Variants in ATP11A observed in about 807,000 individuals in gnomAD.
The protein encoded by ATP11A is ATPase phospholipid transporting 11A, also known as phospholipid-transporting ATPase IH.
ATP11A carries 81 observed loss-of-function variants against 154.4 expected under a neutral mutation model. The observed-to-expected ratio is 0.52, with a 90% CI of 0.44 to 0.63. The LOEUF (loss-of-function observed/expected upper bound fraction) is 0.63. Ranked by LOEUF, ATP11A falls within the 30% of genes least tolerant of loss-of-function variation. ATP11A has a pLI of 0.00. For synonymous variants in ATP11A, 623 were observed against 585.9 expected (o/e 1.06, Z -0.91); for missense variants, 1,316 against 1,474.3 (o/e 0.89, Z 1.76).
intron 19 of ATP11A, 147 bp from the exon 20 acceptor site, chr13:112,855,764 T>G: frequency 1.4e-6 from 1 of 694,028 alleles, no homozygotes; most frequent in Non-Finnish European, 2.4e-6. Flanking sequence ...TGTTCAATAC[T>G]ATAAAAATTG....
intron 1 of ATP11A, among the ~76,000 whole-genome samples, chr13:112,700,948 G>C (rs1052305489): frequency 2.6e-5 from 4 of 152,236 alleles, no homozygotes; most frequent in African/African-American, 9.7e-5. Context: ...ACTTATCTGT[G>C]TATCTCTGAG....
intron 12 of ATP11A, among the ~76,000 whole-genome samples, chr13:112,827,789 A>C (rs2078970769): frequency 6.6e-6 from 1 of 152,268 alleles, no homozygotes; most frequent in African/African-American, 2.4e-5. Flanking sequence ...GCAGATACAG[A>C]GGCCTCTCTC....
At chr13:112,873,497 C>T in intron 26 of ATP11A, 76 bp from the exon 27 acceptor site, 1 of 1,132,916 alleles carries the variant, frequency 8.8e-7, no homozygotes, top group Non-Finnish European at 1.2e-6. Context: ...CACCCCCCGG[C>T]TCTCTGTCCT....
chr13:112,872,798 C>CA (rs1422242719), intron 26 of ATP11A, among the ~76,000 whole-genome samples: 2 of 134,712 alleles, frequency 1.5e-5, no homozygotes, highest in African/African-American at 5.0e-5. Flanking sequence ...CCTCTCCACT[C>CA]ACACTGTGAG....
rs1352026863 is a variant in ATP11A at position 112,842,328 on chromosome 13, G to A, written c.1758G>A (p.Val586=). Residue 586 remains valine (V), a synonymous_variant, in exon 17 of 30, where the codon GTG becomes GTA. Coordinates refer to ENST00000375645, the MANE Select transcript of ATP11A (RefSeq NM_015205.3). The part of the protein sequence containing the change: ...KGADSSIFPR[V]IEGKVDQIRA... Reference sequence around the variant, plus strand: ...CAGATTCTTCGATATTCCCCCGAGTGATAGAAGGCAAAGTTGACCAGATCC... The same window carrying A: ...CAGATTCTTCGATATTCCCCCGAGTAATAGAAGGCAAAGTTGACCAGATCC... 5 of 1,611,912 alleles carry A rather than the reference G, an allele frequency of 3.1e-6. No homozygotes were observed. In the African/African-American group the frequency reaches 5.3e-5, roughly 17 times the overall value.
At chr13:112,778,555 T>A (rs1053031038) in intron 1 of ATP11A, among the ~76,000 whole-genome samples, 5 of 152,220 alleles carry the variant, frequency 3.3e-5, no homozygotes, top group African/African-American at 4.8e-5. Context: ...ACTGTAACTG[T>A]CCCTGTGAAC....
chr13:112,834,809 C>T, intron 15 of ATP11A, 149 bp downstream of exon 15: 1 of 632,852 alleles, frequency 1.6e-6, no homozygotes, highest in South Asian at 2.0e-5. Flanking sequence ...AGGAATGTCA[C>T]CAGAATGTTC....
chr13:112,735,590 G>T (rs139156183), intron 1 of ATP11A, among the ~76,000 whole-genome samples: 204 of 152,314 alleles, frequency 1.3e-3, no homozygotes, highest in African/African-American at 4.7e-3. Context: ...GCTTGCTGGA[G>T]TCAATCTGTT....
At chr13:112,743,190 T>C (rs954494204) in intron 1 of ATP11A, among the ~76,000 whole-genome samples, 3 of 152,252 alleles carry the variant, frequency 2.0e-5, no homozygotes, top group African/African-American at 7.2e-5. Flanking sequence ...TTTTGTGAGA[T>C]GTCTGCCACA....
At chr13:112,731,926 AG>A (rs1437184133) in intron 1 of ATP11A, among the ~76,000 whole-genome samples, 4 of 109,126 alleles carry the variant, frequency 3.7e-5, no homozygotes, top group Admixed American at 3.7e-4. Context: ...TAGATGGTGG[AG>A]AAATGGGGGC....
At chr13:112,824,006 CATT>C (rs1204472409) in intron 9 of ATP11A, among the ~76,000 whole-genome samples, 3 of 152,134 alleles carry the variant, frequency 2.0e-5, no homozygotes, top group African/African-American at 7.2e-5. Context: ...TATTTTGTAT[CATT>C]GTATTGTTAT....
intron 1 of ATP11A, among the ~76,000 whole-genome samples, chr13:112,720,241 A>G (rs1054866401): frequency 3.3e-5 from 5 of 152,270 alleles, no homozygotes; most frequent in Admixed American, 6.5e-5. Context: ...ACAAATCGGT[A>G]CATGGAAGGT....
intron 26 of ATP11A, 59 bp from the exon 27 acceptor site, chr13:112,873,514 C>G (rs2080611018): frequency 2.2e-6 from 3 of 1,348,724 alleles, no homozygotes; most frequent in African/African-American, 1.5e-5. Context: ...TCCTGCCCAT[C>G]ACGATCATTC....
chr13:112,710,896 T>C (rs1200794334), intron 1 of ATP11A, among the ~76,000 whole-genome samples: 1 of 152,166 alleles, frequency 6.6e-6, no homozygotes, highest in Non-Finnish European at 1.5e-5. Context: ...CCGCGTCATG[T>C]GAGGGGGCAC....
intron 1 of ATP11A, among the ~76,000 whole-genome samples, chr13:112,710,717 G>C (rs1055906397): frequency 6.6e-6 from 1 of 152,226 alleles, no homozygotes; most frequent in African/African-American, 2.4e-5. Flanking sequence ...GGTGAGTGTG[G>C]ACAGTGAGGG....
chr13:112,702,036 C>T (rs1296090534), intron 1 of ATP11A, among the ~76,000 whole-genome samples: 2 of 151,764 alleles, frequency 1.3e-5, no homozygotes, highest in African/African-American at 2.4e-5. Context: ...CCTCTTGTCA[C>T]AGAGTGTGCA....
At position 112,807,454 on chromosome 13, in the gene ATP11A, C is replaced by G. The variant is rs904216548; in HGVS notation, c.333+1161C>G. 7.9e-5 allele frequency among the ~76,000 whole-genome samples: 12 copies of G among 152,330 alleles called. No homozygotes were observed. Among genetic ancestry groups the G allele is most frequent in the Admixed American group, 2.6e-4 (4 of 15,312 alleles). On this transcript the variant is annotated intron_variant, in intron 4 of 29. Coordinates refer to ENST00000375645, the MANE Select transcript of ATP11A (RefSeq NM_015205.3). This position sits in a 1 kb window ranked among gnomAD's most constrained non-coding sequence, Gnocchi z 4.5. ...CTCCGCCGCGGTGCATGGCAGAACA[C>G]AGCACAGTAACGAAACGAACTGTGC...
rs1220465265 is a variant in ATP11A, at chr13:112,753,527, A to T, written c.40-31608A>T. ...AGATGCCACGTCCTGTTGTGGTTTT[A>T]TCTTGTACTTCTCCTGCTAACAGGC... On this transcript the variant is annotated intron_variant, in intron 1 of 29. Coordinates refer to ENST00000375645, the MANE Select transcript of ATP11A (RefSeq NM_015205.3). This position sits in a 1 kb window ranked among gnomAD's most constrained non-coding sequence, Gnocchi z 4.1. Among the ~76,000 whole-genome samples, 2 of 152,118 alleles carry T rather than the reference A, an allele frequency of 1.3e-5. No homozygotes were observed. Among genetic ancestry groups the T allele is most frequent in the African/African-American group, 4.8e-5 (2 of 41,398 alleles).
chr13:112,736,828 C>T (rs1186956394), intron 1 of ATP11A, among the ~76,000 whole-genome samples: 4 of 152,198 alleles, frequency 2.6e-5, no homozygotes, highest in South Asian at 2.1e-4. Flanking sequence ...CTTCAAAGGA[C>T]GCCATTATGA....
Sources: gnomAD v4.1 joint callset for allele counts (sites outside exome capture counted in the v4.1 genomes callset) on GRCh38, gnomAD v4.1.1 for gene constraint, Gnocchi (gnomAD v3.1) non-coding constraint, MANE v1.5 for transcripts, NCBI Gene and HGNC (gene_info 2026-07-23, HGNC 2026-07-21) for gene names.